The following PCSK2 variants were observed in gnomAD, a reference collection of about 807,000 sequenced individuals.
PCSK2 encodes proprotein convertase subtilisin/kexin type 2, also known as neuroendocrine convertase 2.
A neutral mutation model predicts 69.7 loss-of-function variants in PCSK2; 14 were observed. The observed-to-expected ratio is 0.20, with a 90% CI of 0.13 to 0.31. The LOEUF (loss-of-function observed/expected upper bound fraction) is 0.31, where lower values mean the gene tolerates loss of function less well. PCSK2 is among the 10% of genes least tolerant of loss of function. The probability of loss-of-function intolerance (pLI) is 1.00; values close to 1 mark genes in which losing one functional copy is unlikely to be tolerated. For synonymous variants in PCSK2, 307 were observed against 320.7 expected (o/e 0.96, Z 0.46); for missense variants, 544 against 842.5 (o/e 0.65, Z 4.39).
intron 2 of PCSK2, among the ~76,000 whole-genome samples, chr20:17,331,249 G>T (rs1413919640): frequency 2.6e-5 from 4 of 152,168 alleles, no homozygotes; most frequent in African/African-American, 9.7e-5. Flanking sequence ...GTATGTAAAA[G>T]AATGTTTCAG....
At chr20:17,323,765 T>A (rs1387371130) in intron 2 of PCSK2, among the ~76,000 whole-genome samples, 1 of 152,254 alleles carries the variant, frequency 6.6e-6, no homozygotes, top group Non-Finnish European at 1.5e-5. Context: ...TAGGACAGCA[T>A]TTTTGTTTAT....
intron 6 of PCSK2, among the ~76,000 whole-genome samples, chr20:17,417,201 A>G (rs768537702): frequency 2.8e-4 from 42 of 152,222 alleles, no homozygotes; most frequent in Non-Finnish European, 5.0e-4. Flanking sequence ...AAAACTAAAA[A>G]CACTAAGGAA....
intron 11 of PCSK2, among the ~76,000 whole-genome samples, chr20:17,468,199 T>C: frequency 6.6e-6 from 1 of 151,298 alleles, no homozygotes; most frequent in South Asian, 2.1e-4. Flanking sequence ...CATCCTGCCG[T>C]AGACGAGCAG....
rs117754044 is a variant in PCSK2, at chr20:17,233,934, G to A, written c.177+6452G>A. Among the ~76,000 whole-genome samples, 20 of 152,282 alleles carry A rather than the reference G, an allele frequency of 1.3e-4. No homozygotes were observed. The East Asian group carries it at 3.5e-3, about 27-fold the overall frequency. On this transcript the variant is annotated intron_variant, in intron 1 of 11. Transcript: ENST00000262545. The stretch of plus-strand genomic sequence containing the variant: ...TGTGTTCTGCTCTCCTCTGGGGCTT[G>A]ATGTAATTGAGAACAGTACATTTTG...
chr20:17,385,193 A>G (rs764645780), intron 5 of PCSK2, among the ~76,000 whole-genome samples: 1 of 152,168 alleles, frequency 6.6e-6, no homozygotes, highest in Non-Finnish European at 1.5e-5. Context: ...ATCCTTTAAG[A>G]ATAGGTCTGC....
intron 4 of PCSK2, among the ~76,000 whole-genome samples, chr20:17,366,829 G>A (rs1231942940): frequency 6.6e-6 from 1 of 151,998 alleles, no homozygotes; most frequent in Non-Finnish European, 1.5e-5. Context: ...AATTTATCTT[G>A]TTTTAATTCT....
At chr20:17,317,437 G>T (rs1290376317) in intron 2 of PCSK2, among the ~76,000 whole-genome samples, 1 of 152,202 alleles carries the variant, frequency 6.6e-6, no homozygotes, top group East Asian at 1.9e-4. Flanking sequence ...TCTCACTGGA[G>T]TGGGCATAAT....
chr20:17,303,529 T>TAATTAA, intron 2 of PCSK2, among the ~76,000 whole-genome samples: 1 of 41,690 alleles, frequency 2.4e-5, no homozygotes, highest in South Asian at 5.5e-4. Context: ...ATAATATATA[T>TAATTAA]TATATTATAT....
intron 5 of PCSK2, among the ~76,000 whole-genome samples, chr20:17,381,761 C>T (rs2031092273): frequency 6.6e-6 from 1 of 152,166 alleles, no homozygotes; most frequent in Admixed American, 6.5e-5. Flanking sequence ...GACCACCCTC[C>T]CTTTTTTTCT....
At chr20:17,347,800 GAA>G (rs1568611944) in intron 2 of PCSK2, among the ~76,000 whole-genome samples, 2 of 68,820 alleles carry the variant, frequency 2.9e-5, no homozygotes, top group African/African-American at 1.2e-4. Flanking sequence ...AAGAAAGAAA[GAA>G]AGAAAGAAAG....
At chr20:17,247,934 G>A (rs1986826724) in intron 1 of PCSK2, among the ~76,000 whole-genome samples, 1 of 152,144 alleles carries the variant, frequency 6.6e-6, no homozygotes, top group African/African-American at 2.4e-5. Flanking sequence ...AATGGGAAAA[G>A]GAAGTAAGAG....
intron 5 of PCSK2, among the ~76,000 whole-genome samples, chr20:17,401,508 A>AG (rs1491325195): frequency 6.6e-6 from 1 of 152,172 alleles, no homozygotes; most frequent in Non-Finnish European, 1.5e-5. Flanking sequence ...ACAAACACAC[A>AG]GGGGGTTATA....
At chr20:17,319,604 T>C (rs1048583389) in intron 2 of PCSK2, among the ~76,000 whole-genome samples, 1 of 152,070 alleles carries the variant, frequency 6.6e-6, no homozygotes, top group African/African-American at 2.4e-5. Context: ...ATGTTTACTA[T>C]ATTCCACTGG....
At chr20:17,232,773 A>G (rs1986188514) in intron 1 of PCSK2, among the ~76,000 whole-genome samples, 1 of 152,218 alleles carries the variant, frequency 6.6e-6, no homozygotes, top group South Asian at 2.1e-4. Context: ...TTAGATCAAA[A>G]TTGACAATAT....
chr20:17,390,851 G>A (rs918002768), intron 5 of PCSK2, among the ~76,000 whole-genome samples: 2 of 151,916 alleles, frequency 1.3e-5, no homozygotes, highest in Non-Finnish European at 2.9e-5. Flanking sequence ...TTTTGGTGAC[G>A]TGGCAGTTCT....
Position 17,482,163 on chromosome 20 carries a change from C to T in PCSK2, c.*93C>T, listed in dbSNP as rs1406154473. 1 of 1,153,886 alleles carries T rather than the reference C, an allele frequency of 8.7e-7. No individual in the cohort carries two copies. Among genetic ancestry groups the T allele is most frequent in the Non-Finnish European group, 1.2e-6 (1 of 834,864 alleles). The allele number at this position is 1,153,886 out of a possible 1,614,324, so 71.5% of individuals were successfully genotyped here. ...AGGCAGGCACCTAGCAATTCCATCA[C>T]CCGTACAGGCAATTCCGTCTTCTTA... is the stretch of plus-strand genomic sequence containing the variant. On this transcript the variant is annotated 3_prime_UTR_variant, in exon 12 of 12. Transcript: ENST00000262545.
intron 7 of PCSK2, among the ~76,000 whole-genome samples, chr20:17,434,588 G>A (rs1292632443): frequency 6.6e-6 from 1 of 152,180 alleles, no homozygotes; most frequent in South Asian, 2.1e-4. Context: ...CACAGAGGGA[G>A]CCCATGAAGG....
At chr20:17,317,749 C>T (rs1989733438) in intron 2 of PCSK2, among the ~76,000 whole-genome samples, 1 of 152,020 alleles carries the variant, frequency 6.6e-6, no homozygotes, top group Non-Finnish European at 1.5e-5. Flanking sequence ...TAAAATACTA[C>T]CCCCAAAATA....
At chr20:17,448,731 T>C (rs904297127) in intron 8 of PCSK2, among the ~76,000 whole-genome samples, 12 of 152,126 alleles carry the variant, frequency 7.9e-5, no homozygotes, top group African/African-American at 2.4e-4. Context: ...TCCACACTAG[T>C]TGAGAACCAG....
Sources: allele counts gnomAD v4.1 joint callset (sites outside exome capture counted in the v4.1 genomes callset), GRCh38; gene constraint gnomAD v4.1.1; transcripts MANE v1.5; gene names NCBI Gene and HGNC (gene_info 2026-07-23, HGNC 2026-07-21).